The following AK2 variants were observed in gnomAD, a reference collection of about 807,000 sequenced individuals.
AK2 encodes the protein adenylate kinase 2, also known as adenylate kinase 2, mitochondrial.
A neutral mutation model predicts 24.6 loss-of-function variants in AK2; 15 were observed. That is an observed-to-expected ratio of 0.61 (90% CI 0.41 to 0.94). AK2 has a LOEUF of 0.94. Ranked by LOEUF, AK2 falls within the 40% of genes least tolerant of loss-of-function variation. The probability of loss-of-function intolerance (pLI) is 0.00; values close to 1 mark genes in which losing one functional copy is unlikely to be tolerated. For synonymous variants in AK2, 102 were observed against 114.0 expected (o/e 0.90, Z 0.67); for missense variants, 257 against 304.1 (o/e 0.85, Z 1.15).
In AK2 at chr1:33,021,375, G is replaced by A. The variant is rs1420136221; in HGVS notation, c.417C>T (p.Ile139=). The change falls in exon 4 of 6, where the codon ATC becomes ATT. Residue 139 remains isoleucine (I), a synonymous_variant. Transcript: ENST00000672715. ...SIPDSLLIRR[I]TGRLIHPKSG... ...CTTCAAGGGACAAATACCTTCCTGT[G>A]ATTCTTCGGATCAGCAGAGAGTCTG... is the stretch of plus-strand genomic sequence containing the variant. The A allele has an allele frequency of 5.0e-6, 8 of 1,613,796 alleles. No individual in the cohort carries two copies. The highest frequency in any genetic ancestry group is 6.8e-6 in the Non-Finnish European group (8 of 1,179,764).
chr1:33,029,214 T>A (rs551660361), intron 1 of AK2: 1 of 152,206 alleles, frequency 6.6e-6, no homozygotes. Context: ...AACCATCATC[T>A]TCTTCTTATG....
intron 5 of AK2, among the ~76,000 whole-genome samples, chr1:33,014,038 C>G (rs1639019660): frequency 6.6e-6 from 1 of 152,172 alleles, no homozygotes; most frequent in Admixed American, 6.5e-5. Context: ...TAAAACAAAC[C>G]ATATAGACTC....
rs934254172 is a variant in AK2 at position 33,011,960 on chromosome 1, G to A, written c.*1221C>T. The stretch of plus-strand genomic sequence containing the variant: ...TGATTTCAGTTTTATGTCCTGGAGA[G>A]AGACTGGGTTTGAATAAATACTGAT... On this transcript the variant is annotated 3_prime_UTR_variant, in exon 6 of 6. Transcript: ENST00000672715. 3 of 1,534,396 alleles carry A rather than the reference G, an allele frequency of 2.0e-6. No individual in the cohort carries two copies.
chr1:33,024,273 T>C, intron 2 of AK2, 169 bp downstream of exon 2: 2 of 907,658 alleles, frequency 2.2e-6, no homozygotes, highest in Non-Finnish European at 3.5e-6. Context: ...AAGTTCTGTA[T>C]CAGCGTTGGC....
intron 4 of AK2, among the ~76,000 whole-genome samples, chr1:33,015,062 A>G (rs1639095387): frequency 6.6e-6 from 1 of 152,224 alleles, no homozygotes; most frequent in Admixed American, 6.5e-5. Context: ...TTTAACAGAG[A>G]TTTGTACAAA....
rs1334723670 is a variant in AK2 at position 33,011,361 on chromosome 1, C to T, written c.*1820G>A. On this transcript the variant is annotated 3_prime_UTR_variant, in exon 6 of 6. Coordinates refer to ENST00000672715, the MANE Select transcript of AK2 (RefSeq NM_001625.4). ...AAGTCATGTGCTTCCCAGAAACACA[C>T]AAAGCCAGACTGAGTTTCCATTAAG... The T allele has an allele frequency of 7.8e-7, 1 of 1,287,780 alleles. No homozygotes were observed. The highest frequency in any genetic ancestry group is 1.0e-6 in the Non-Finnish European group (1 of 989,072). The allele number at this position is 1,287,780 out of a possible 1,614,324, so 79.8% of individuals were successfully genotyped here.
chr1:33,024,168 CAAA>C, intron 2 of AK2: 1 of 343,438 alleles, frequency 2.9e-6, no homozygotes, highest in Admixed American at 4.2e-5. Context: ...GAGACTTTGT[CAAA>C]AAAAAAAGAA....
chr1:33,025,556 A>G (rs1480409288), intron 1 of AK2, among the ~76,000 whole-genome samples: 2 of 152,254 alleles, frequency 1.3e-5, no homozygotes, highest in African/African-American at 4.8e-5. Flanking sequence ...TACAAAGAGC[A>G]CTTGGCAAAT....
chr1:33,011,845 T>C lies in AK2; in HGVS notation c.*1336A>G. 6.6e-7 allele frequency: 1 copy of C among 1,520,290 alleles called. No homozygotes were observed. Among genetic ancestry groups the C allele is most frequent in the Non-Finnish European group, 8.8e-7 (1 of 1,138,658 alleles). The allele number at this position is 1,520,290 out of a possible 1,614,324, so 94.2% of individuals were successfully genotyped here. The stretch of plus-strand genomic sequence containing the variant: ...GTCTTATTTCTGGGTGATCTTTTCT[T>C]GGGGAAGTCCATGGCTATAGCCATC... On this transcript the variant is annotated 3_prime_UTR_variant, in exon 6 of 6. Transcript: ENST00000672715.
chr1:33,031,757 C>A, intron 1 of AK2: 1 of 445,010 alleles, frequency 2.2e-6, no homozygotes, highest in South Asian at 1.6e-5. Context: ...ACTGCCTAAG[C>A]GTGCCTGGCC....
chr1:33,026,732 C>T (rs910824051), intron 1 of AK2, among the ~76,000 whole-genome samples: 3 of 151,944 alleles, frequency 2.0e-5, no homozygotes, highest in Non-Finnish European at 2.9e-5. Context: ...CGCTTGAACC[C>T]AGGAGTTGGA....
intron 1 of AK2, chr1:33,032,047 A>G (rs1640269055): frequency 5.2e-6 from 1 of 193,394 alleles, no homozygotes; most frequent in Non-Finnish European, 1.1e-5. Context: ...TGCAACATAA[A>G]GCACATAAAA....
rs1638631485 is a variant in AK2 at position 33,008,819 on chromosome 1, C to T, written c.*4362G>A. On this transcript the variant is annotated 3_prime_UTR_variant, in exon 6 of 6. Coordinates refer to ENST00000672715, the MANE Select transcript of AK2 (RefSeq NM_001625.4). ...TTCCGGGAGTGGTAGGACTAGTCTG[C>T]ATTCTTGGTTTGCAGATTAGATGAG... The T allele has an allele frequency of 2.2e-6, 1 of 453,956 alleles. No individual in the cohort carries two copies. The highest frequency in any genetic ancestry group is 2.0e-5 in the African/African-American group (1 of 49,994). The allele number at this position is 453,956 out of a possible 1,614,324, so 28.1% of individuals were successfully genotyped here. A position where few individuals can be genotyped will look rare whatever the true frequency, so the allele number is the denominator to read the frequency against.
Position 33,011,475 on chromosome 1 carries a change from TGGCCAG to T in AK2, c.*1700_*1705del. The T allele has an allele frequency of 1.6e-6, 2 of 1,287,268 alleles. No homozygotes were observed. Among genetic ancestry groups the T allele is most frequent in the Non-Finnish European group, 2.0e-6 (2 of 988,748 alleles). 79.7% of individuals were successfully genotyped at this position (1,287,268 alleles called of 1,614,324 possible). ...GGACCAGGCAAAGAGGGAAGCAAGG[TGGCCAG>T]GTACTCATGCCCAGTTGCCATGTGG... On this transcript the variant is annotated 3_prime_UTR_variant, in exon 6 of 6. Coordinates refer to ENST00000672715, the MANE Select transcript of AK2 (RefSeq NM_001625.4).
intron 4 of AK2, among the ~76,000 whole-genome samples, chr1:33,017,592 G>A (rs144014685): frequency 1.5e-3 from 227 of 152,170 alleles, no homozygotes; most frequent in African/African-American, 5.0e-3. Context: ...AACAATACAA[G>A]GCTCATTCCA....
At position 33,018,619 on chromosome 1, in the gene AK2, C is replaced by T. The variant is rs2268692; in HGVS notation, c.425+2748G>A. 3.5e-3 allele frequency among the ~76,000 whole-genome samples: 539 copies of T among 152,106 alleles called. 7 individuals carry two copies. The highest frequency in any genetic ancestry group is 0.012 in the African/African-American group (514 of 41,514). On this transcript the variant is annotated intron_variant, in intron 4 of 5. Transcript: ENST00000672715. ...TCAGCAGTGACATGCTCTGTGAGGA[C>T]GGGGGTCCTTCTCTCTGTGAGGAAG... is the stretch of plus-strand genomic sequence containing the variant.
Position 33,025,326 on chromosome 1 carries a change from C to A in AK2, c.94-759G>T, listed in dbSNP as rs77832916. ...ATAACATGTGCTGAATAAACATTTG[C>A]CAAAGGGATGAATGTACAATTGTCA... On this transcript the variant is annotated intron_variant, in intron 1 of 5. Coordinates refer to ENST00000672715, the MANE Select transcript of AK2 (RefSeq NM_001625.4). Among the ~76,000 whole-genome samples the A allele has an allele frequency of 6.3e-3, 954 of 152,064 alleles. 11 individuals are homozygous for A. The highest frequency in any genetic ancestry group is 0.021 in the African/African-American group (856 of 41,496).
chr1:33,036,125 T>C (rs1399592833), intron 1 of AK2, among the ~76,000 whole-genome samples: 1 of 151,720 alleles, frequency 6.6e-6, no homozygotes, highest in East Asian at 1.9e-4. Flanking sequence ...TTGCGACTCA[T>C]GGGTCTCCAG....
chr1:33,031,225 T>C (rs1430197007), intron 1 of AK2: 2 of 161,912 alleles, frequency 1.2e-5, no homozygotes, highest in African/African-American at 4.8e-5. Flanking sequence ...GTATGTATTT[T>C]TCCATTCATA....
Sources: gnomAD v4.1 joint callset for allele counts (sites outside exome capture counted in the v4.1 genomes callset) on GRCh38, gnomAD v4.1.1 for gene constraint, MANE v1.5 for transcripts, NCBI Gene and HGNC (gene_info 2026-07-23, HGNC 2026-07-21) for gene names.